Variants in LTV1 observed in about 807,000 individuals in gnomAD.
The protein encoded by LTV1 is protein LTV1 homolog.
In LTV1, 39 loss-of-function variants were observed where a neutral mutation model predicts 59.9. That is an observed-to-expected ratio of 0.65 (90% confidence interval 0.50 to 0.85). LTV1 has a LOEUF of 0.85. LTV1 is among the 40% of genes least tolerant of loss of function. LTV1 has a pLI of 0.00. For missense variants in LTV1, 493 were observed against 549.1 expected (o/e 0.90, Z 1.02); for synonymous variants, 171 against 189.5 (o/e 0.90, Z 0.80).
At chr6:143,858,787 T>C (rs543787124) in intron 6 of LTV1, 1 of 151,648 alleles carries the variant, frequency 6.6e-6, no homozygotes, top group Non-Finnish European at 1.5e-5. Flanking sequence ...GTGTGCCTTG[T>C]TTTTTTTTGT....
At chr6:143,849,143 T>C (rs568875326) in intron 3 of LTV1, among the ~76,000 whole-genome samples, 2 of 152,342 alleles carry the variant, frequency 1.3e-5, no homozygotes, top group African/African-American at 4.8e-5. Context: ...GTAGTAGATA[T>C]AGACTAGCTA....
intron 4 of LTV1, among the ~76,000 whole-genome samples, chr6:143,851,797 C>T (rs1776986890): frequency 1.3e-5 from 2 of 152,076 alleles, no homozygotes; most frequent in African/African-American, 4.8e-5. Flanking sequence ...TTGTTCAACT[C>T]CCACTTATGA....
In LTV1 at chr6:143,860,451, A is replaced by T; in HGVS notation, c.821A>T (p.Glu274Val). ...TTTTATGAGCAATATGATGATGATG[A>T]AATTGGAGCTCTGGATAATGCAGAA... ...EKFYEQYDDD[E>V]IGALDNAELE... Residue 274 changes from glutamate (E) to valine (V), a missense_variant, in exon 7 of 11, where the codon GAA becomes GTA. Glu to Val is a moderately radical substitution (Grantham distance 121). Coordinates refer to ENST00000367576, the MANE Select transcript of LTV1 (RefSeq NM_032860.5). 1 of 1,613,240 alleles carries T rather than the reference A, an allele frequency of 6.2e-7. No homozygotes were observed.
chr6:143,855,667 A>C lies in LTV1; in HGVS notation c.398-1636A>C, dbSNP rs544707334. ...TGACAAAATCTCTCAGCATTTGCTT[A>C]TCTGGAAAGGATTTTATTTCTCCTT... On this transcript the variant is annotated intron_variant, in intron 4 of 10. Transcript: ENST00000367576. The surrounding 1 kb of genome is among the most constrained non-coding windows in gnomAD (Gnocchi z 4.6). Among the ~76,000 whole-genome samples, 72 of 152,208 alleles carry C rather than the reference A, an allele frequency of 4.7e-4. 1 individual carries two copies. Among genetic ancestry groups the C allele is most frequent in the Middle Eastern group, 6.8e-3 (2 of 294 alleles).
rs966360730 is a variant in LTV1 at position 143,855,949 on chromosome 6, T to C, written c.398-1354T>C. On this transcript the variant is annotated intron_variant, in intron 4 of 10. Transcript: ENST00000367576. This position sits in a 1 kb window ranked among gnomAD's most constrained non-coding sequence, Gnocchi z 4.6. Reference sequence around the variant, plus strand: ...GGGTTGCTCTTCTCGAGGAGTATCTTTGTGGTTCCTGAATTTGAATGTTGG... The same window carrying C: ...GGGTTGCTCTTCTCGAGGAGTATCTCTGTGGTTCCTGAATTTGAATGTTGG... Among the ~76,000 whole-genome samples, 2 of 107,794 alleles carry C rather than the reference T, an allele frequency of 1.9e-5. No individual in the cohort carries two copies. Among genetic ancestry groups the C allele is most frequent in the Non-Finnish European group, 1.9e-5 (1 of 52,962 alleles). 70.7% of individuals were successfully genotyped at this position (107,794 alleles called of 152,430 possible).
intron 4 of LTV1, 87 bp downstream of exon 4, chr6:143,850,305 A>G: frequency 1.1e-6 from 1 of 932,756 alleles, no homozygotes; most frequent in Non-Finnish European, 1.7e-6. Context: ...TATCCCCAGT[A>G]AAGTATTGAA....
At chr6:143,846,383 C>T (rs903754799) in intron 3 of LTV1, among the ~76,000 whole-genome samples, 159 bp downstream of exon 3, 1 of 152,296 alleles carries the variant, frequency 6.6e-6, no homozygotes, top group African/African-American at 2.4e-5. Flanking sequence ...TGTATACCAT[C>T]AGGAGAGAAT....
rs1226503465 is a variant in LTV1, at chr6:143,863,401, C to T, written c.1318-16C>T. 1.2e-6 allele frequency: 2 copies of T among 1,604,196 alleles called. No homozygotes were observed. Among genetic ancestry groups the T allele is most frequent in the East Asian group, 2.2e-5 (1 of 44,780 alleles). ...AAGATGTGAATAATACAAGTATATT[C>T]TTGTACTTATAACAGGAACGAAGAG... On this transcript the variant is annotated splice_polypyrimidine_tract_variant and intron_variant, in intron 10 of 10. Transcript: ENST00000367576. The surrounding 1 kb of genome is among the most constrained non-coding windows in gnomAD (Gnocchi z 4.5).
chr6:143,848,722 G>T (rs186425557), intron 3 of LTV1, among the ~76,000 whole-genome samples: 2 of 152,194 alleles, frequency 1.3e-5, no homozygotes, highest in South Asian at 4.1e-4. Flanking sequence ...AGATTGCAGC[G>T]TGTGAAGAAG....
intron 6 of LTV1, 62 bp downstream of exon 6, chr6:143,858,069 C>T (rs1777108993): frequency 6.6e-7 from 1 of 1,508,712 alleles, no homozygotes; most frequent in Non-Finnish European, 9.0e-7. Flanking sequence ...TTTTTTAATA[C>T]CTGTCAGCTT....
chr6:143,852,579 C>G (rs903612701), intron 4 of LTV1, among the ~76,000 whole-genome samples: 1 of 152,142 alleles, frequency 6.6e-6, no homozygotes, highest in African/African-American at 2.4e-5. Flanking sequence ...TTAATTAGAT[C>G]CCATTTGTCA....
intron 1 of LTV1, among the ~76,000 whole-genome samples, chr6:143,843,808 C>G (rs529539342): frequency 1.3e-5 from 2 of 152,292 alleles, no homozygotes; most frequent in East Asian, 3.9e-4. Context: ...TTCTTGGGGT[C>G]GAGCAGAGGG....
In LTV1 at chr6:143,854,933, G is replaced by A. The variant is rs1319411930; in HGVS notation, c.398-2370G>A. On this transcript the variant is annotated intron_variant, in intron 4 of 10. Coordinates refer to ENST00000367576, the MANE Select transcript of LTV1 (RefSeq NM_032860.5). Reference sequence around the variant, plus strand: ...AGAATGTATATTCTGTTGATTTGGGGTGGAGAGTTACGTCACTGTCTATTA... The same window carrying A: ...AGAATGTATATTCTGTTGATTTGGGATGGAGAGTTACGTCACTGTCTATTA... Among the ~76,000 whole-genome samples the A allele has an allele frequency of 3.3e-5, 5 of 152,252 alleles. No homozygotes were observed. In the East Asian group the frequency reaches 9.6e-4, roughly 29 times the overall value.
intron 2 of LTV1, among the ~76,000 whole-genome samples, chr6:143,845,528 A>G (rs1368890468): frequency 6.6e-6 from 1 of 152,070 alleles, no homozygotes; most frequent in African/African-American, 2.4e-5. Flanking sequence ...GGCACACGCC[A>G]CCTGGCCTGG....
In LTV1 at chr6:143,857,334, T is replaced by C; in HGVS notation, c.429T>C (p.Val143=). 1.2e-6 allele frequency: 2 copies of C among 1,613,884 alleles called. No homozygotes were observed. Among genetic ancestry groups the C allele is most frequent in the Non-Finnish European group, 1.7e-6 (2 of 1,179,748 alleles). Residue 143 remains valine, a synonymous_variant, in exon 5 of 11, where the codon GTT becomes GTC. Coordinates refer to ENST00000367576, the MANE Select transcript of LTV1 (RefSeq NM_032860.5). This position sits in a 1 kb window ranked among gnomAD's most constrained non-coding sequence, Gnocchi z 5.2. ...GACTGGATTTTGATCCTGACATTGT[T>C]GCAGCTCTTGATGATGATTTTGACT... The part of the protein sequence containing the change: ...GPRLDFDPDI[V]AALDDDFDFD...
chr6:143,863,406 A>G lies in LTV1; in HGVS notation c.1318-11A>G. On this transcript the variant is annotated splice_polypyrimidine_tract_variant and intron_variant, in intron 10 of 10. Transcript: ENST00000367576. The surrounding 1 kb of genome is among the most constrained non-coding windows in gnomAD (Gnocchi z 4.5). Reference sequence around the variant, plus strand: ...GTGAATAATACAAGTATATTCTTGTACTTATAACAGGAACGAAGAGTGGAG... The same window carrying G: ...GTGAATAATACAAGTATATTCTTGTGCTTATAACAGGAACGAAGAGTGGAG... The G allele has an allele frequency of 6.2e-7, 1 of 1,607,134 alleles. No individual in the cohort carries two copies. The highest frequency in any genetic ancestry group is 8.5e-7 in the Non-Finnish European group (1 of 1,174,098).
At position 143,860,423 on chromosome 6, in the gene LTV1, A is replaced by C; in HGVS notation, c.796-3A>C. The stretch of plus-strand genomic sequence containing the variant: ...TGGTATCTTTTCTCTGTTTATATTC[A>C]AGTTTTATGAGCAATATGATGATGA... On this transcript the variant is annotated splice_region_variant and splice_polypyrimidine_tract_variant and intron_variant, in intron 6 of 10. Transcript: ENST00000367576. 1 of 1,612,096 alleles carries C rather than the reference A, an allele frequency of 6.2e-7. No homozygotes were observed. The highest frequency in any genetic ancestry group is 2.2e-5 in the East Asian group (1 of 44,754).
chr6:143,845,958 T>C (rs775513386), intron 2 of LTV1, 93 bp from the exon 3 acceptor site: 123 of 1,224,904 alleles, frequency 1.0e-4, no homozygotes, highest in Non-Finnish European at 1.4e-4. Context: ...GCTGTACTCA[T>C]TGTAATATTC....
chr6:143,855,422 T>C lies in LTV1; in HGVS notation c.398-1881T>C, dbSNP rs546476531. Among the ~76,000 whole-genome samples the C allele has an allele frequency of 2.0e-5, 3 of 152,354 alleles. No individual in the cohort carries two copies. The South Asian group carries it at 6.2e-4, about 32-fold the overall frequency. On this transcript the variant is annotated intron_variant, in intron 4 of 10. Coordinates refer to ENST00000367576, the MANE Select transcript of LTV1 (RefSeq NM_032860.5). This position sits in a 1 kb window ranked among gnomAD's most constrained non-coding sequence, Gnocchi z 4.6. ...CAATTTGCCAATCTGTGTCTTTTAA[T>C]TGGGGCTTTTATCCCATTTACATTT...
Sources: allele counts gnomAD v4.1 joint callset (sites outside exome capture counted in the v4.1 genomes callset), GRCh38; gene constraint gnomAD v4.1.1; non-coding constraint Gnocchi (gnomAD v3.1); transcripts MANE v1.5; gene names NCBI Gene and HGNC (gene_info 2026-07-23, HGNC 2026-07-21).